The following LRRC49 variants were observed in gnomAD, a reference collection of about 807,000 sequenced individuals.
LRRC49 encodes the protein leucine rich repeat containing 49.
Under a neutral mutation model 83.3 loss-of-function variants are expected in LRRC49, and 50 were observed. That is an observed-to-expected ratio of 0.60 (90% CI 0.48 to 0.76). The LOEUF (loss-of-function observed/expected upper bound fraction) is 0.76, where lower values mean the gene tolerates loss of function less well. LRRC49 is among the 30% of genes least tolerant of loss of function. The pLI is 0.00. For missense variants in LRRC49, 704 were observed against 809.1 expected (o/e 0.87, Z 1.58); for synonymous variants, 286 against 283.3 (o/e 1.01, Z -0.10).
At chr15:70,881,723 G>A (rs989926856) in intron 2 of LRRC49, 1 of 152,148 alleles carries the variant, frequency 6.6e-6, no homozygotes, top group Non-Finnish European at 1.5e-5. Flanking sequence ...CGTTAGAAAT[G>A]TAGTACTTTT....
chr15:70,914,007 GTTAAAA>G (rs1017877400), intron 6 of LRRC49, among the ~76,000 whole-genome samples: 62 of 151,950 alleles, frequency 4.1e-4, no homozygotes, highest in South Asian at 3.5e-3. Flanking sequence ...TATTGTGTGT[GTTAAAA>G]TTAAACATTT....
At chr15:71,018,585 C>G (rs1464341208) in intron 14 of LRRC49, among the ~76,000 whole-genome samples, 1 of 152,126 alleles carries the variant, frequency 6.6e-6, no homozygotes, top group Non-Finnish European at 1.5e-5. Context: ...CTTACTTTTC[C>G]TGCTCTTACA....
chr15:71,023,279 G>A (rs1395660245), intron 14 of LRRC49, among the ~76,000 whole-genome samples: 1 of 152,100 alleles, frequency 6.6e-6, no homozygotes, highest in African/African-American at 2.4e-5. Flanking sequence ...GAAAGTTAAA[G>A]AAAAGAAATG....
intron 11 of LRRC49, among the ~76,000 whole-genome samples, chr15:70,990,595 G>T (rs1330583898): frequency 1.3e-5 from 2 of 152,208 alleles, no homozygotes; most frequent in African/African-American, 4.8e-5. Flanking sequence ...CCCAAGTGAG[G>T]CAATGCCTCA....
intron 9 of LRRC49, among the ~76,000 whole-genome samples, chr15:70,972,564 T>A (rs571291295): frequency 1.3e-5 from 2 of 152,318 alleles, no homozygotes; most frequent in Admixed American, 1.3e-4. Flanking sequence ...TCCTGGATAA[T>A]ATCCTGAAGT....
intron 3 of LRRC49, chr15:70,900,460 T>A: frequency 2.2e-6 from 1 of 456,630 alleles, no homozygotes; most frequent in South Asian, 1.5e-5. Context: ...GTGACAGAAC[T>A]ATATGGGCTG....
chr15:71,045,921 A>G (rs1364418533), intron 15 of LRRC49, among the ~76,000 whole-genome samples: 1 of 152,038 alleles, frequency 6.6e-6, no homozygotes, highest in Non-Finnish European at 1.5e-5. Context: ...CTTAGCTCCC[A>G]CTTATAAGTG....
At chr15:70,933,146 C>T (rs1347213647) in intron 7 of LRRC49, among the ~76,000 whole-genome samples, 1 of 152,128 alleles carries the variant, frequency 6.6e-6, no homozygotes, top group Non-Finnish European at 1.5e-5. Flanking sequence ...TTATAATCCT[C>T]TCAAATAATC....
intron 8 of LRRC49, among the ~76,000 whole-genome samples, chr15:70,958,066 T>A (rs1390801938): frequency 6.6e-6 from 1 of 152,134 alleles, no homozygotes; most frequent in African/African-American, 2.4e-5. Flanking sequence ...TTATTCTGGA[T>A]TCCTTTCCTT....
In LRRC49 at chr15:71,012,299, T is replaced by A. The variant is rs144985856; in HGVS notation, c.1594-505T>A. Among the ~76,000 whole-genome samples the A allele has an allele frequency of 3.3e-3, 498 of 152,248 alleles. 6 individuals carry two copies. The highest frequency in any genetic ancestry group is 0.024 in the Middle Eastern group (7 of 294). ...AGTTATTCTTTTTGGGGAGAAAGAC[T>A]GATAGAATGAACAGGAGCATCCTTG... is the stretch of plus-strand genomic sequence containing the variant. On this transcript the variant is annotated intron_variant, in intron 13 of 15. Transcript: ENST00000260382.
At chr15:70,876,578 C>A (rs920344217) in intron 2 of LRRC49, among the ~76,000 whole-genome samples, 4 of 152,160 alleles carry the variant, frequency 2.6e-5, no homozygotes, top group Admixed American at 2.6e-4. Flanking sequence ...ACCTTTCTCC[C>A]GAGATTGGCT....
chr15:70,949,081 T>C lies in LRRC49; in HGVS notation c.773+12259T>C, dbSNP rs145497972. On this transcript the variant is annotated intron_variant, in intron 8 of 15. Transcript: ENST00000260382. The stretch of plus-strand genomic sequence containing the variant: ...TTTCACATATGACATATTCTTCTTT[T>C]GACATTTTTTCTAACCATTTTAAAA... 8.2e-3 allele frequency among the ~76,000 whole-genome samples: 1,244 copies of C among 152,318 alleles called. 7 individuals carry two copies. The highest frequency in any genetic ancestry group is 0.012 in the Non-Finnish European group (785 of 68,022).
chr15:70,951,002 T>A (rs2036197336), intron 8 of LRRC49, among the ~76,000 whole-genome samples: 1 of 152,158 alleles, frequency 6.6e-6, no homozygotes, highest in Admixed American at 6.5e-5. Context: ...TCAACACCAT[T>A]TATTGAATAG....
At chr15:70,880,679 A>T (rs2033245403) in intron 2 of LRRC49, among the ~76,000 whole-genome samples, 1 of 152,232 alleles carries the variant, frequency 6.6e-6, no homozygotes, top group Non-Finnish European at 1.5e-5. Context: ...TCAGCAAATC[A>T]AGTATAAATA....
At chr15:70,951,712 CA>C (rs750307572) in intron 8 of LRRC49, among the ~76,000 whole-genome samples, 3 of 152,060 alleles carry the variant, frequency 2.0e-5, no homozygotes, top group Non-Finnish European at 4.4e-5. Flanking sequence ...TGCAGATAGA[CA>C]GTTTAGCTTT....
chr15:70,978,612 G>T (rs956215133), intron 9 of LRRC49, among the ~76,000 whole-genome samples: 4 of 152,144 alleles, frequency 2.6e-5, no homozygotes, highest in Non-Finnish European at 5.9e-5. Context: ...AATTAGAACT[G>T]CATTTATGGA....
intron 14 of LRRC49, among the ~76,000 whole-genome samples, chr15:71,029,518 T>C (rs572636744): frequency 6.4e-4 from 97 of 152,316 alleles, no homozygotes; most frequent in Non-Finnish European, 9.6e-4. Flanking sequence ...TGGAGAGTTC[T>C]GTGGATGTCT....
At chr15:70,925,401 ACAAT>A (rs1482755216) in intron 7 of LRRC49, among the ~76,000 whole-genome samples, 2 of 152,158 alleles carry the variant, frequency 1.3e-5, no homozygotes, top group African/African-American at 4.8e-5. Context: ...TTGCTAATTA[ACAAT>A]CAAATACTTT....
chr15:70,965,672 C>T (rs1348330396), intron 9 of LRRC49, among the ~76,000 whole-genome samples: 1 of 152,018 alleles, frequency 6.6e-6, no homozygotes, highest in Non-Finnish European at 1.5e-5. Flanking sequence ...GCATCTTAGA[C>T]CAGCATGTCT....
Sources: allele counts gnomAD v4.1 joint callset (sites outside exome capture counted in the v4.1 genomes callset), GRCh38; gene constraint gnomAD v4.1.1; transcripts MANE v1.5; gene names NCBI Gene and HGNC (gene_info 2026-07-23, HGNC 2026-07-21).